Variants in GRM8 observed in about 807,000 individuals in gnomAD.
GRM8 encodes metabotropic glutamate receptor 8.
Under a neutral mutation model 87.2 loss-of-function variants are expected in GRM8, and 47 were observed. The observed-to-expected ratio is 0.54, with a 90% CI of 0.43 to 0.69. GRM8 has a LOEUF of 0.69. GRM8 is among the 30% of genes least tolerant of loss of function. The probability of loss-of-function intolerance (pLI) is 0.00; values close to 1 mark genes in which losing one functional copy is unlikely to be tolerated. For missense variants in GRM8, 1,019 were observed against 1,139.2 expected (o/e 0.89, Z 1.52); for synonymous variants, 396 against 404.5 (o/e 0.98, Z 0.25).
chr7:126,636,644 A>T (rs1253830761), intron 7 of GRM8, among the ~76,000 whole-genome samples: 3 of 152,074 alleles, frequency 2.0e-5, no homozygotes, highest in Non-Finnish European at 4.4e-5. Flanking sequence ...GGAAAAACAA[A>T]ATCAGAGACC....
Position 127,186,506 on chromosome 7 carries a change from G to A in GRM8, c.510+56189C>T, listed in dbSNP as rs557359712. Among the ~76,000 whole-genome samples, 4 of 152,232 alleles carry A rather than the reference G, an allele frequency of 2.6e-5. No homozygotes were observed. In the East Asian group the frequency reaches 5.8e-4, roughly 22 times the overall value. On this transcript the variant is annotated intron_variant, in intron 2 of 10. Coordinates refer to ENST00000339582, the MANE Select transcript of GRM8 (RefSeq NM_000845.3). ...TTGAACTCCCTCCCTTCTGTGCTGTGGTGGATGATGGCTGGGTTCCTTCCC... is the reference window on the plus strand; with the variant it reads ...TTGAACTCCCTCCCTTCTGTGCTGTAGTGGATGATGGCTGGGTTCCTTCCC...
chr7:126,536,389 G>C (rs1815727448), intron 8 of GRM8, among the ~76,000 whole-genome samples: 1 of 152,150 alleles, frequency 6.6e-6, no homozygotes, highest in African/African-American at 2.4e-5. Context: ...AATCTCCTCA[G>C]AGTAGAGACT....
intron 8 of GRM8, among the ~76,000 whole-genome samples, chr7:126,575,345 A>G (rs534533974): frequency 6.6e-6 from 1 of 151,856 alleles, no homozygotes; most frequent in East Asian, 1.9e-4. Flanking sequence ...GTTGCAGGAA[A>G]ATAAGCTCAG....
chr7:127,244,398 A>C (rs899687247), intron 1 of GRM8, among the ~76,000 whole-genome samples: 2 of 152,232 alleles, frequency 1.3e-5, no homozygotes, highest in Non-Finnish European at 2.9e-5. Flanking sequence ...GCTACACGCA[A>C]ATCTACAGAC....
chr7:126,612,853 T>TTCTG (rs1241475913), intron 7 of GRM8, among the ~76,000 whole-genome samples: 22 of 152,372 alleles, frequency 1.4e-4, no homozygotes, highest in African/African-American at 5.0e-4. Context: ...CATGTATATT[T>TTCTG]TCTGTCATCT....
chr7:126,647,813 T>C (rs999222155), intron 7 of GRM8, among the ~76,000 whole-genome samples: 1 of 152,170 alleles, frequency 6.6e-6, no homozygotes, highest in African/African-American at 2.4e-5. Flanking sequence ...CACCGAAACA[T>C]CTGCTTGTAA....
intron 6 of GRM8, among the ~76,000 whole-genome samples, chr7:126,787,854 T>C (rs975532440): frequency 6.6e-6 from 1 of 152,172 alleles, no homozygotes; most frequent in African/African-American, 2.4e-5. Context: ...TAAATTCTAC[T>C]GAAATGTAAT....
chr7:126,496,942 T>C (rs1460930148), intron 9 of GRM8, among the ~76,000 whole-genome samples: 1 of 151,124 alleles, frequency 6.6e-6, no homozygotes, highest in Non-Finnish European at 1.5e-5. Context: ...TATCTGTGCT[T>C]TATTCATAAT....
chr7:126,974,790 G>T (rs1347155251), intron 3 of GRM8, among the ~76,000 whole-genome samples: 1 of 151,892 alleles, frequency 6.6e-6, no homozygotes, highest in South Asian at 2.1e-4. Context: ...TAAAAAATTG[G>T]CCAGTCATGG....
intron 3 of GRM8, among the ~76,000 whole-genome samples, chr7:126,952,050 C>T (rs1808222074): frequency 7.1e-6 from 1 of 140,708 alleles, no homozygotes; most frequent in Non-Finnish European, 1.6e-5. Flanking sequence ...AAGAAAAAAG[C>T]TTGGACAAGT....
At chr7:126,985,090 T>A (rs1287267012) in intron 3 of GRM8, among the ~76,000 whole-genome samples, 1 of 152,132 alleles carries the variant, frequency 6.6e-6, no homozygotes, top group Non-Finnish European at 1.5e-5. Context: ...TTACTGAGCT[T>A]ATTGACACAA....
chr7:126,905,430 G>A (rs1481555410), intron 3 of GRM8, among the ~76,000 whole-genome samples: 1 of 152,178 alleles, frequency 6.6e-6, no homozygotes, highest in South Asian at 2.1e-4. Context: ...AGAAGAAAGA[G>A]GTTCCCCCAG....
chr7:127,239,010 C>T (rs1371722725), intron 2 of GRM8, among the ~76,000 whole-genome samples: 3 of 152,216 alleles, frequency 2.0e-5, no homozygotes, highest in African/African-American at 7.2e-5. Context: ...CTGACAACAC[C>T]TAGATCCCTT....
At chr7:126,900,969 A>G (rs1449071985) in intron 6 of GRM8, among the ~76,000 whole-genome samples, 2 of 152,124 alleles carry the variant, frequency 1.3e-5, no homozygotes, top group African/African-American at 4.8e-5. Context: ...CTAGATGAAG[A>G]GCCTCAAGAC....
intron 3 of GRM8, chr7:127,080,594 C>T (rs1472619400): frequency 6.6e-6 from 1 of 152,080 alleles, no homozygotes; most frequent in East Asian, 1.9e-4. Context: ...TGACTGAATT[C>T]TGGCCAAGGA....
At chr7:126,570,313 T>C (rs1794588984) in intron 8 of GRM8, among the ~76,000 whole-genome samples, 1 of 152,118 alleles carries the variant, frequency 6.6e-6, no homozygotes, top group Admixed American at 6.6e-5. Flanking sequence ...CAGTGTTGGA[T>C]GAAAAATCCT....
At chr7:126,945,246 T>C in intron 3 of GRM8, among the ~76,000 whole-genome samples, 1 of 152,212 alleles carries the variant, frequency 6.6e-6, no homozygotes, top group East Asian at 1.9e-4. Flanking sequence ...TACATGGTGG[T>C]ATATTCCAAT....
At chr7:126,542,866 G>A (rs1816706284) in intron 8 of GRM8, among the ~76,000 whole-genome samples, 2 of 152,196 alleles carry the variant, frequency 1.3e-5, no homozygotes, top group Non-Finnish European at 2.9e-5. Context: ...CATAATGTCA[G>A]GCAAAGCAAG....
intron 8 of GRM8, among the ~76,000 whole-genome samples, chr7:126,597,563 T>C (rs1169552804): frequency 6.6e-6 from 1 of 152,096 alleles, no homozygotes; most frequent in African/African-American, 2.4e-5. Context: ...ATGTTAAAAT[T>C]GTACTTATTT....
Sources: gnomAD v4.1 joint callset for allele counts (sites outside exome capture counted in the v4.1 genomes callset) on GRCh38, gnomAD v4.1.1 for gene constraint, MANE v1.5 for transcripts, NCBI Gene and HGNC (gene_info 2026-07-23, HGNC 2026-07-21) for gene names.